The following TMEM108 variants were observed in gnomAD, a reference collection of about 807,000 sequenced individuals.
TMEM108 encodes transmembrane protein 108, also known as cancer/testis antigen 124.
TMEM108 carries 12 observed loss-of-function variants against 35.1 expected under a neutral mutation model. The ratio of observed to expected loss-of-function variants is 0.34; its 90% CI spans 0.22 to 0.55. TMEM108 has a LOEUF of 0.55. TMEM108 is among the 20% of genes least tolerant of loss of function. TMEM108 has a pLI of 0.89. For missense variants in TMEM108, 680 were observed against 753.3 expected (o/e 0.90, Z 1.14); for synonymous variants, 287 against 308.6 (o/e 0.93, Z 0.73).
intron 2 of TMEM108, among the ~76,000 whole-genome samples, chr3:133,048,813 G>T (rs540812229): frequency 6.6e-6 from 1 of 152,160 alleles, no homozygotes; most frequent in Non-Finnish European, 1.5e-5. Flanking sequence ...GAAGAAAGAG[G>T]CACTTTGGTG....
chr3:133,192,734 G>A (rs1645350171), intron 2 of TMEM108: 1 of 152,366 alleles, frequency 6.6e-6, no homozygotes, highest in South Asian at 2.1e-4. Flanking sequence ...GTGGAAATGA[G>A]CGGCTCCAGG....
At chr3:133,286,552 G>A (rs966084485) in intron 3 of TMEM108, among the ~76,000 whole-genome samples, 3 of 152,100 alleles carry the variant, frequency 2.0e-5, no homozygotes, top group African/African-American at 7.2e-5. Context: ...GCCTAGGCAG[G>A]CCTCAAACTC....
chr3:133,220,253 G>C (rs1033401906), intron 2 of TMEM108, among the ~76,000 whole-genome samples: 1 of 151,716 alleles, frequency 6.6e-6, no homozygotes, highest in Non-Finnish European at 1.5e-5. Flanking sequence ...GTATATAGTT[G>C]AGTCTTTTTT....
chr3:133,119,070 A>G, intron 2 of TMEM108: 1 of 152,056 alleles, frequency 6.6e-6, no homozygotes, highest in East Asian at 1.9e-4. Context: ...TACTAGCACC[A>G]TTCTCCGAGG....
intron 2 of TMEM108, among the ~76,000 whole-genome samples, chr3:133,064,072 A>G (rs546783628): frequency 7.9e-5 from 12 of 152,218 alleles, no homozygotes; most frequent in African/African-American, 2.6e-4. Context: ...GTCTGGACAG[A>G]AGAAAGCGGT....
At chr3:133,092,177 A>G (rs1026089973) in intron 2 of TMEM108, among the ~76,000 whole-genome samples, 1 of 152,204 alleles carries the variant, frequency 6.6e-6, no homozygotes, top group African/African-American at 2.4e-5. Context: ...TTGAGCCTTG[A>G]TTTTATAAAC....
intron 3 of TMEM108, among the ~76,000 whole-genome samples, chr3:133,304,858 G>T (rs192267996): frequency 6.6e-6 from 1 of 152,012 alleles, no homozygotes; most frequent in African/African-American, 2.4e-5. Context: ...GAGGCAGGCA[G>T]ATAATTTGAG....
intron 2 of TMEM108, among the ~76,000 whole-genome samples, chr3:133,108,659 A>G (rs903614359): frequency 6.6e-6 from 1 of 151,918 alleles, no homozygotes; most frequent in African/African-American, 2.4e-5. Context: ...TTTTGTTTCC[A>G]TTGCTTTTGG....
At chr3:133,394,778 A>G (rs999913761) in intron 5 of TMEM108, among the ~76,000 whole-genome samples, 1 of 152,240 alleles carries the variant, frequency 6.6e-6, no homozygotes, top group Non-Finnish European at 1.5e-5. Context: ...AAGACATTTT[A>G]TCAACAATGG....
At chr3:133,097,526 C>T (rs891371124) in intron 2 of TMEM108, among the ~76,000 whole-genome samples, 2 of 152,234 alleles carry the variant, frequency 1.3e-5, no homozygotes, top group Middle Eastern at 6.8e-3. Flanking sequence ...ACTCCCTAAC[C>T]CCACAGACTA....
intron 3 of TMEM108, among the ~76,000 whole-genome samples, chr3:133,290,490 G>A (rs1037521825): frequency 1.3e-5 from 2 of 151,970 alleles, no homozygotes; most frequent in Non-Finnish European, 2.9e-5. Context: ...GCATGGTGGT[G>A]CACTCCTGTA....
intron 2 of TMEM108, among the ~76,000 whole-genome samples, chr3:133,106,901 T>C (rs1944159609): frequency 2.0e-5 from 3 of 152,244 alleles, no homozygotes; most frequent in Non-Finnish European, 4.4e-5. Context: ...GCAGAAACTA[T>C]GTGAAATAAT....
intron 3 of TMEM108, among the ~76,000 whole-genome samples, chr3:133,374,294 G>A (rs1459031791): frequency 6.6e-6 from 1 of 152,130 alleles, no homozygotes; most frequent in Non-Finnish European, 1.5e-5. Context: ...GTCCAGGATG[G>A]TTCAGAAGAC....
At chr3:133,246,368 C>T (rs1172998846) in intron 3 of TMEM108, 2 of 152,116 alleles carry the variant, frequency 1.3e-5, no homozygotes, top group East Asian at 3.8e-4. Flanking sequence ...GCCAGGAATA[C>T]ATGACTGTGC....
chr3:133,218,375 A>G (rs1482476287), intron 2 of TMEM108, among the ~76,000 whole-genome samples: 1 of 151,696 alleles, frequency 6.6e-6, no homozygotes, highest in African/African-American at 2.4e-5. Context: ...TTTTCTTTCC[A>G]GTTTGGATGC....
chr3:133,195,961 A>G (rs1244361031), intron 2 of TMEM108, among the ~76,000 whole-genome samples: 1 of 152,216 alleles, frequency 6.6e-6, no homozygotes, highest in Non-Finnish European at 1.5e-5. Context: ...CTCTGGGGCA[A>G]TCAGATAGAT....
chr3:133,240,324 T>C (rs902812901), intron 3 of TMEM108, among the ~76,000 whole-genome samples: 3 of 152,202 alleles, frequency 2.0e-5, no homozygotes, highest in African/African-American at 7.2e-5. Context: ...GAAAGTGTCA[T>C]GTTGATTTAA....
Position 133,329,022 on chromosome 3 carries a change from C to T in TMEM108, c.41-50730C>T, listed in dbSNP as rs936406835. On this transcript the variant is annotated intron_variant, in intron 3 of 5. Transcript: ENST00000321871. ...TGTATGTCTTCACACCCACCCCCAA[C>T]CCCTGCAGGCTGCCTAAGAGTGTCT... Among the ~76,000 whole-genome samples, 3 of 151,516 alleles carry T rather than the reference C, an allele frequency of 2.0e-5. No homozygotes were observed. The Admixed American group carries it at 2.0e-4, about 10-fold the overall frequency.
intron 2 of TMEM108, among the ~76,000 whole-genome samples, chr3:133,083,080 G>A (rs11924903): frequency 0.1 from 15,800 of 152,134 alleles, 1,002 homozygotes; most frequent in East Asian, 0.15. Flanking sequence ...TGAGCCAGTG[G>A]TGCTGGGATT....
Sources: allele counts gnomAD v4.1 joint callset (sites outside exome capture counted in the v4.1 genomes callset), GRCh38; gene constraint gnomAD v4.1.1; transcripts MANE v1.5; gene names NCBI Gene and HGNC (gene_info 2026-07-23, HGNC 2026-07-21).